Variants in SERINC3 observed in about 807,000 individuals in gnomAD.
The protein encoded by SERINC3 is serine incorporator 3, also known as tumor differentially expressed protein 1.
In SERINC3, 22 loss-of-function variants were observed where a neutral mutation model predicts 52.1. The observed-to-expected ratio is 0.42, with a 90% CI of 0.30 to 0.60. The LOEUF (loss-of-function observed/expected upper bound fraction) is 0.60. Among genes scored for constraint, SERINC3 ranks in the 20% least tolerant of loss-of-function variants. The pLI, the probability that SERINC3 is intolerant of heterozygous loss-of-function variation, is 0.16. For missense variants in SERINC3, 564 were observed against 584.6 expected, an observed-to-expected ratio of 0.96 and a Z score of 0.36; for synonymous variants, 226 against 212.7, an observed-to-expected ratio of 1.06 and a Z score of -0.54.
intron 1 of SERINC3, among the ~76,000 whole-genome samples, chr20:44,516,224 C>T (rs1328245947): frequency 2.6e-5 from 4 of 151,944 alleles, no homozygotes; most frequent in Non-Finnish European, 2.9e-5. Context: ...ACTGCTTGAA[C>T]CCGGGTGGCC....
At chr20:44,518,589 C>T (rs1407614395) in intron 1 of SERINC3, among the ~76,000 whole-genome samples, 1 of 152,126 alleles carries the variant, frequency 6.6e-6, no homozygotes, top group Non-Finnish European at 1.5e-5. Flanking sequence ...ATTTATTCTC[C>T]TAAAAAAACT....
At chr20:44,517,154 T>C (rs1051738601) in intron 1 of SERINC3, among the ~76,000 whole-genome samples, 4 of 152,160 alleles carry the variant, frequency 2.6e-5, no homozygotes, top group African/African-American at 9.7e-5. Context: ...ACAGGGTGAT[T>C]GAGCAAAGAA....
At chr20:44,511,866 C>T (rs557645038) in intron 3 of SERINC3, among the ~76,000 whole-genome samples, 1 of 152,234 alleles carries the variant, frequency 6.6e-6, no homozygotes, top group Non-Finnish European at 1.5e-5. Context: ...GGCTTTGGAG[C>T]TGGACAGATC....
At chr20:44,516,200 G>A (rs1304638708) in intron 1 of SERINC3, among the ~76,000 whole-genome samples, 1 of 151,832 alleles carries the variant, frequency 6.6e-6, no homozygotes, top group Non-Finnish European at 1.5e-5. Context: ...TACTCAGGAG[G>A]CTGAGGCAGG....
At chr20:44,514,717 C>A (rs1336898203) in intron 1 of SERINC3, among the ~76,000 whole-genome samples, 1 of 151,988 alleles carries the variant, frequency 6.6e-6, no homozygotes, top group African/African-American at 2.4e-5. Context: ...GCTGAGATTG[C>A]GCCACTGCAC....
At chr20:44,504,020 T>A in intron 7 of SERINC3, 25 bp from the exon 8 acceptor site, 2 of 1,565,236 alleles carry the variant, frequency 1.3e-6, no homozygotes, top group South Asian at 1.2e-5. Context: ...ATTTGTATTA[T>A]CCTTGGTTAC....
chr20:44,517,848 T>C (rs1415459474), intron 1 of SERINC3, among the ~76,000 whole-genome samples: 1 of 152,238 alleles, frequency 6.6e-6, no homozygotes, highest in Admixed American at 6.5e-5. Context: ...CTTTTGTATC[T>C]TTACAGAGCA....
At position 44,500,432 on chromosome 20, in the gene SERINC3, G is replaced by A. The variant is rs139013659; in HGVS notation, c.1286C>T (p.Pro429Leu). The change falls in exon 10 of 10, where the codon CCT becomes CTT. Residue 429 changes from proline (P) to leucine (L), a missense_variant and splice_region_variant. Transcript: ENST00000342374. Reference protein sequence around the residue: ...IMMTLTSWYSPDAKFQSMTSK... With the variant: ...IMMTLTSWYSLDAKFQSMTSK... ...GGTCATGCTCTGAAACTTTGCATCAGGGCTAAGAAAACAAGAGAGAGTCAG... is the reference window on the plus strand; with the variant it reads ...GGTCATGCTCTGAAACTTTGCATCAAGGCTAAGAAAACAAGAGAGAGTCAG... The A allele has an allele frequency of 2.5e-3, 3,930 of 1,562,666 alleles. 10 individuals are homozygous for A. The highest frequency in any genetic ancestry group is 3.1e-3 in the Non-Finnish European group (3,603 of 1,152,602).
In SERINC3 at chr20:44,501,224, T is replaced by C. The variant is rs566135471; in HGVS notation, c.1132A>G (p.Thr378Ala). ...GSDSVILGDT[T>A]TSGASDEEDG... ...TCTTCATCACTGGCACCACTGGTAG[T>C]TGTATCACCAAGGATGACGCTGTCA... The change falls in exon 9 of 10, where the codon ACT becomes GCT. Residue 378 changes from threonine to alanine, a missense_variant. Thr to Ala is a moderately conservative substitution (Grantham distance 58). Transcript: ENST00000342374. 16 of 1,614,036 alleles carry C rather than the reference T, an allele frequency of 9.9e-6. No individual in the cohort carries two copies. Among genetic ancestry groups the C allele is most frequent in the Admixed American group, 5.0e-5 (3 of 59,996 alleles).
chr20:44,507,663 G>A (rs1157004304), intron 5 of SERINC3, among the ~76,000 whole-genome samples: 3 of 152,204 alleles, frequency 2.0e-5, no homozygotes, highest in Admixed American at 6.5e-5. Flanking sequence ...TTGAGCCTGA[G>A]TTCCAGACCA....
chr20:44,500,545 C>G (rs2064273220), intron 9 of SERINC3, 111 bp from the exon 10 acceptor site: 3 of 1,214,280 alleles, frequency 2.5e-6, no homozygotes, highest in African/African-American at 1.5e-5. Context: ...ACTTGGCTGG[C>G]ACTACCCCCC....
intron 1 of SERINC3, among the ~76,000 whole-genome samples, chr20:44,520,341 T>C (rs531880249): frequency 6.6e-6 from 1 of 152,160 alleles, no homozygotes; most frequent in East Asian, 1.9e-4. Context: ...AGACAGAGCA[T>C]GGAAGCTCCA....
At position 44,522,040 on chromosome 20, in the gene SERINC3, A is replaced by C; in HGVS notation, c.-89T>G. 2 of 1,353,022 alleles carry C rather than the reference A, an allele frequency of 1.5e-6. No individual in the cohort carries two copies. The highest frequency in any genetic ancestry group is 2.1e-6 in the Non-Finnish European group (2 of 971,660). 83.8% of individuals were successfully genotyped at this position (1,353,022 alleles called of 1,614,324 possible). On this transcript the variant is annotated 5_prime_UTR_variant, in exon 1 of 10. Transcript: ENST00000342374. Reference sequence around the variant, plus strand: ...GCTGAGGTGACTCCCCAGAAACATGACGGTTTCTCAGGCCGGAAACGCAGC... The same window carrying C: ...GCTGAGGTGACTCCCCAGAAACATGCCGGTTTCTCAGGCCGGAAACGCAGC...
At chr20:44,521,418 T>C (rs547974266) in intron 1 of SERINC3, among the ~76,000 whole-genome samples, 13 of 152,262 alleles carry the variant, frequency 8.5e-5, no homozygotes, top group Non-Finnish European at 1.8e-4. Flanking sequence ...TGAATAACAA[T>C]CCACAAGGGC....
chr20:44,521,380 A>G (rs2064415335), intron 1 of SERINC3, among the ~76,000 whole-genome samples: 1 of 152,242 alleles, frequency 6.6e-6, no homozygotes, highest in Non-Finnish European at 1.5e-5. Flanking sequence ...CAGCAGTCCC[A>G]AAATATTCAG....
chr20:44,504,280 A>G (rs533885631), intron 7 of SERINC3, among the ~76,000 whole-genome samples: 6 of 152,346 alleles, frequency 3.9e-5, no homozygotes, highest in African/African-American at 1.4e-4. Flanking sequence ...TTTAAGTGTC[A>G]AGGTTTTAAG....
At position 44,512,918 on chromosome 20, in the gene SERINC3, A is replaced by G. The variant is rs758044314; in HGVS notation, c.278T>C (p.Val93Ala). The part of the protein sequence containing the change: ...INADKDCDVL[V>A]GYKAVYRISF... ...GATCCGATACACAGCTTTATAACCA[A>G]CCAGCACATCACAATCTTTATCTGC... The change falls in exon 3 of 10, where the codon GTT becomes GCT. Residue 93 changes from valine to alanine, a missense_variant. Transcript: ENST00000342374. 6.4e-7 allele frequency: 1 copy of G among 1,567,552 alleles called. No homozygotes were observed. Among genetic ancestry groups the G allele is most frequent in the Non-Finnish European group, 8.6e-7 (1 of 1,164,652 alleles).
chr20:44,518,358 T>G (rs916399608), intron 1 of SERINC3, among the ~76,000 whole-genome samples: 1 of 145,508 alleles, frequency 6.9e-6, no homozygotes, highest in Non-Finnish European at 1.5e-5. Flanking sequence ...TGAATTGTTA[T>G]AAAGATTATT....
In SERINC3 at chr20:44,519,750, C is replaced by T. The variant is rs1409052603; in HGVS notation, c.39+2163G>A. Among the ~76,000 whole-genome samples the T allele has an allele frequency of 2.0e-5, 3 of 151,484 alleles. No homozygotes were observed. The East Asian group carries it at 5.8e-4, about 30-fold the overall frequency. On this transcript the variant is annotated intron_variant, in intron 1 of 9. Transcript: ENST00000342374. The stretch of plus-strand genomic sequence containing the variant: ...GCAGTGAGCTATGACTGAGCCACTG[C>T]ACTCCAGCCTGGGTGACAGAGCAAA...
Sources: allele counts gnomAD v4.1 joint callset (sites outside exome capture counted in the v4.1 genomes callset), GRCh38; gene constraint gnomAD v4.1.1; transcripts MANE v1.5; gene names NCBI Gene and HGNC (gene_info 2026-07-23, HGNC 2026-07-21).